The following ADARB2 variants were observed in gnomAD, a reference collection of about 807,000 sequenced individuals.
ADARB2 encodes adenosine deaminase RNA specific B2 (inactive), also known as inactive double-stranded RNA-specific editase B2.
ADARB2 carries 25 observed loss-of-function variants against 62.2 expected under a neutral mutation model. The observed-to-expected ratio is 0.40, with a 90% CI of 0.29 to 0.56. ADARB2 has a LOEUF of 0.56. Among genes scored for constraint, ADARB2 ranks in the 20% least tolerant of loss-of-function variants. ADARB2 has a pLI of 0.43. For missense variants in ADARB2, 1,071 were observed against 1,077.4 expected, an observed-to-expected ratio of 0.99 and a Z score of 0.08; for synonymous variants, 572 against 500.8, an observed-to-expected ratio of 1.14 and a Z score of -1.90.
At chr10:1,498,279 G>A (rs536827992) in intron 1 of ADARB2, among the ~76,000 whole-genome samples, 12 of 152,054 alleles carry the variant, frequency 7.9e-5, no homozygotes, top group Non-Finnish European at 1.6e-4. Context: ...GGAGGCTGAG[G>A]CTGGAGAATC....
chr10:1,532,978 C>T (rs967414028), intron 1 of ADARB2, among the ~76,000 whole-genome samples: 8 of 152,160 alleles, frequency 5.3e-5, no homozygotes, highest in African/African-American at 1.4e-4. Context: ...GGGGAGGAAC[C>T]GCATCCTGTG....
chr10:1,225,699 G>GT, intron 6 of ADARB2, among the ~76,000 whole-genome samples: 2 of 132,230 alleles, frequency 1.5e-5, no homozygotes, highest in East Asian at 2.6e-4. Context: ...ATGAAATTCT[G>GT]GGTTAAAATT....
intron 2 of ADARB2, among the ~76,000 whole-genome samples, chr10:1,369,964 C>T (rs5013179): frequency 0.061 from 9,318 of 152,256 alleles, 461 homozygotes; most frequent in East Asian, 0.25. Flanking sequence ...GCCCATCACG[C>T]GGTTCACAAA....
chr10:1,294,247 T>A (rs1033667525), intron 3 of ADARB2, among the ~76,000 whole-genome samples: 2 of 152,192 alleles, frequency 1.3e-5, no homozygotes, highest in Non-Finnish European at 2.9e-5. Context: ...CTTGCAGTTC[T>A]GTTGGAGAAA....
At chr10:1,626,836 C>T (rs1225061086) in intron 1 of ADARB2, among the ~76,000 whole-genome samples, 4 of 152,120 alleles carry the variant, frequency 2.6e-5, no homozygotes, top group African/African-American at 9.7e-5. Flanking sequence ...TTAAAAAATG[C>T]AAAAACCACA....
chr10:1,565,905 C>T (rs573756430), intron 1 of ADARB2, among the ~76,000 whole-genome samples: 1 of 152,060 alleles, frequency 6.6e-6, no homozygotes, highest in Non-Finnish European at 1.5e-5. Context: ...TAACTCTGCA[C>T]CCCACCCTAT....
At chr10:1,586,012 T>C (rs11250643) in intron 1 of ADARB2, among the ~76,000 whole-genome samples, 5,961 of 152,132 alleles carry the variant, frequency 0.039, 419 homozygotes, top group African/African-American at 0.13. Flanking sequence ...CCAGCCTGGG[T>C]GACAGAGCGA....
At chr10:1,527,428 GA>G (rs1832162498) in intron 1 of ADARB2, among the ~76,000 whole-genome samples, 1 of 81,492 alleles carries the variant, frequency 1.2e-5, no homozygotes, top group Non-Finnish European at 2.9e-5. Context: ...CAAACTGCCT[GA>G]TGATATTTAA....
chr10:1,561,706 C>G (rs1295962148), intron 1 of ADARB2, among the ~76,000 whole-genome samples: 1 of 152,142 alleles, frequency 6.6e-6, no homozygotes, highest in Non-Finnish European at 1.5e-5. Flanking sequence ...GAATCTCATG[C>G]ACCGTACCCT....
intron 1 of ADARB2, among the ~76,000 whole-genome samples, chr10:1,716,970 G>C (rs1835026316): frequency 6.6e-6 from 1 of 152,104 alleles, no homozygotes; most frequent in Non-Finnish European, 1.5e-5. Context: ...AAAATTCCTA[G>C]AGAGCATTAG....
At chr10:1,618,087 T>A (rs1487918515) in intron 1 of ADARB2, among the ~76,000 whole-genome samples, 1 of 152,220 alleles carries the variant, frequency 6.6e-6, no homozygotes, top group Non-Finnish European at 1.5e-5. Context: ...AATTTCTTAC[T>A]TAACCCTCTG....
chr10:1,507,574 C>T lies in ADARB2; in HGVS notation c.101-128414G>A, dbSNP rs1235293870. Among the ~76,000 whole-genome samples the T allele has an allele frequency of 1.4e-4, 22 of 152,172 alleles. 1 individual carries two copies. Among genetic ancestry groups the T allele is most frequent in the Admixed American group, 1.3e-3 (20 of 15,284 alleles). ...AGCTCCGTCTGGAGATGTTTACCCT[C>T]GACCAGGTGGCAGCTTTGAATGGCA... On this transcript the variant is annotated intron_variant, in intron 1 of 9. Transcript: ENST00000381312.
chr10:1,184,775 G>T, intron 9 of ADARB2, 86 bp downstream of exon 9: 1 of 1,447,928 alleles, frequency 6.9e-7, no homozygotes, highest in South Asian at 1.3e-5. Context: ...TGCAGACCAA[G>T]TGTTGGCCTC....
chr10:1,588,236 T>C (rs1451071153), intron 1 of ADARB2, among the ~76,000 whole-genome samples: 2 of 152,144 alleles, frequency 1.3e-5, no homozygotes, highest in Admixed American at 6.6e-5. Flanking sequence ...AACACTCACC[T>C]TAAAGCTGCC....
chr10:1,671,781 C>T (rs1369485177), intron 1 of ADARB2, among the ~76,000 whole-genome samples: 2 of 152,156 alleles, frequency 1.3e-5, no homozygotes, highest in East Asian at 3.9e-4. Flanking sequence ...AATTGAGGAA[C>T]ATGCAGCGAA....
intron 4 of ADARB2, among the ~76,000 whole-genome samples, chr10:1,259,949 A>G (rs1053271278): frequency 6.6e-6 from 1 of 152,242 alleles, no homozygotes. Flanking sequence ...AAGCTCATCC[A>G]CCATGATCAA....
At chr10:1,348,474 G>A (rs1314542772) in intron 3 of ADARB2, among the ~76,000 whole-genome samples, 2 of 152,042 alleles carry the variant, frequency 1.3e-5, no homozygotes, top group Non-Finnish European at 2.9e-5. Flanking sequence ...TGCTCCCTGC[G>A]GCGTTGGCCC....
At chr10:1,362,766 T>G (rs560466975) in intron 3 of ADARB2, among the ~76,000 whole-genome samples, 1 of 152,220 alleles carries the variant, frequency 6.6e-6, no homozygotes, top group South Asian at 2.1e-4. Context: ...TCCCTCCCCC[T>G]GCAGACAGAG....
In ADARB2 at chr10:1,383,049, A is replaced by G. The variant is rs1832498186; in HGVS notation, c.101-3889T>C. 2.0e-5 allele frequency among the ~76,000 whole-genome samples: 3 copies of G among 152,214 alleles called. No homozygotes were observed. In the South Asian group the frequency reaches 6.2e-4, roughly 32 times the overall value. ...TGGCCGTTTTTAATGTACGACTTGT[A>G]AGTTCCAGGACACTTGCTTTATAAA... is the stretch of plus-strand genomic sequence containing the variant. On this transcript the variant is annotated intron_variant, in intron 1 of 9. Coordinates refer to ENST00000381312, the MANE Select transcript of ADARB2 (RefSeq NM_018702.4).
Sources: gnomAD v4.1 joint callset for allele counts (sites outside exome capture counted in the v4.1 genomes callset) on GRCh38, gnomAD v4.1.1 for gene constraint, MANE v1.5 for transcripts, NCBI Gene and HGNC (gene_info 2026-07-23, HGNC 2026-07-21) for gene names.